The following RB1 variants were observed in gnomAD, a reference collection of about 807,000 sequenced individuals.
RB1 encodes the protein RB transcriptional corepressor 1, also known as retinoblastoma-associated protein.
Under a neutral mutation model 135.4 loss-of-function variants are expected in RB1, and 18 were observed. That is an observed-to-expected ratio of 0.13 (90% CI 0.09 to 0.20). The LOEUF is 0.20. Among genes scored for constraint, RB1 ranks in the 10% least tolerant of loss-of-function variants. The pLI, the probability that RB1 is intolerant of heterozygous loss-of-function variation, is 1.00. For missense variants in RB1, 868 were observed against 1,110.0 expected (o/e 0.78, Z 3.10); for synonymous variants, 365 against 373.2 (o/e 0.98, Z 0.25).
chr13:48,476,395 A>AT, intron 24 of RB1: 1 of 356,966 alleles, frequency 2.8e-6, no homozygotes, highest in Non-Finnish European at 5.3e-6. Flanking sequence ...GTAGTCCTGT[A>AT]TGGTGGGTTC....
At chr13:48,307,555 A>G (rs984269526) in intron 2 of RB1, 149 bp downstream of exon 2, 45 of 882,676 alleles carry the variant, frequency 5.1e-5, no homozygotes, top group Non-Finnish European at 7.0e-5. Flanking sequence ...TACCTCTGCT[A>G]ACATTAAAAA....
chr13:48,343,954 G>A (rs1221258224), intron 3 of RB1, among the ~76,000 whole-genome samples: 1 of 152,108 alleles, frequency 6.6e-6, no homozygotes, highest in Non-Finnish European at 1.5e-5. Flanking sequence ...TTTCCCCAGT[G>A]TTTGATTGGT....
At chr13:48,340,260 A>G (rs1299425618) in intron 2 of RB1, among the ~76,000 whole-genome samples, 1 of 152,190 alleles carries the variant, frequency 6.6e-6, no homozygotes, top group African/African-American at 2.4e-5. Flanking sequence ...AACATAACCC[A>G]TAAAAGAAAA....
chr13:48,413,311 A>G (rs886797975), intron 17 of RB1, among the ~76,000 whole-genome samples: 1 of 152,106 alleles, frequency 6.6e-6, no homozygotes, highest in African/African-American at 2.4e-5. Context: ...AACTCTTTTT[A>G]TGTGGAAATG....
At chr13:48,423,849 C>T (rs1453207854) in intron 17 of RB1, 1 of 152,204 alleles carries the variant, frequency 6.6e-6, no homozygotes, top group Non-Finnish European at 1.5e-5. Context: ...GAGTTTGGGG[C>T]TTCATTGCTC....
intron 2 of RB1, among the ~76,000 whole-genome samples, chr13:48,339,279 T>C (rs908632147): frequency 6.6e-6 from 1 of 152,206 alleles, no homozygotes; most frequent in African/African-American, 2.4e-5. Context: ...AGGTGGAATC[T>C]ACAGAGGCAG....
chr13:48,420,761 A>G (rs1463549164), intron 17 of RB1, among the ~76,000 whole-genome samples: 1 of 152,218 alleles, frequency 6.6e-6, no homozygotes, highest in Non-Finnish European at 1.5e-5. Flanking sequence ...ACAGAGAGCC[A>G]AATCATGAGT....
rs561021521 is a variant in RB1, at chr13:48,353,750, G to A, written c.607+4727G>A. Among the ~76,000 whole-genome samples the A allele has an allele frequency of 5.2e-4, 79 of 152,080 alleles. 2 individuals carry two copies. In the East Asian group the frequency reaches 5.6e-3, roughly 11 times the overall value. On this transcript the variant is annotated intron_variant, in intron 6 of 26. Transcript: ENST00000267163. ...CATTAGATAGATCATTCATTATGTCGCAGTGGGATTTATCCCTGCAATGCA... is the reference window on the plus strand; with the variant it reads ...CATTAGATAGATCATTCATTATGTCACAGTGGGATTTATCCCTGCAATGCA...
intron 8 of RB1, 31 bp downstream of exon 8, chr13:48,362,988 G>A: frequency 6.2e-7 from 1 of 1,601,722 alleles, no homozygotes; most frequent in Non-Finnish European, 8.6e-7. Flanking sequence ...CTTTAAAACA[G>A]TTAAAGTAGA....
intron 1 of RB1, among the ~76,000 whole-genome samples, chr13:48,304,451 CTT>C (rs1364989726): frequency 6.6e-6 from 1 of 152,000 alleles, no homozygotes; most frequent in Non-Finnish European, 1.5e-5. Context: ...GGTCGTCTGA[CTT>C]TCTGTTTTGG....
chr13:48,322,573 G>C (rs75516865), intron 2 of RB1, among the ~76,000 whole-genome samples: 1,609 of 152,254 alleles, frequency 0.011, 28 homozygotes, highest in African/African-American at 0.037. Context: ...ATGTTGAATA[G>C]AATGATGAGA....
chr13:48,304,101 G>GCC (rs1159818736), intron 1 of RB1, 52 bp downstream of exon 1: 1 of 1,343,670 alleles, frequency 7.4e-7, no homozygotes, highest in Non-Finnish European at 9.5e-7. Flanking sequence ...CCCCGGGTGT[G>GCC]CGTAGGGCGG....
intron 18 of RB1, among the ~76,000 whole-genome samples, chr13:48,454,193 A>G (rs894880303): frequency 2.0e-5 from 3 of 152,260 alleles, no homozygotes; most frequent in Non-Finnish European, 4.4e-5. Flanking sequence ...ATTCAAACCC[A>G]AGCTATCTAA....
intron 4 of RB1, 150 bp downstream of exon 4, chr13:48,345,349 CT>C: frequency 1.1e-6 from 1 of 934,676 alleles, no homozygotes; most frequent in South Asian, 1.7e-5. Flanking sequence ...TAATTCTTAG[CT>C]TTCTTATTTA....
intron 2 of RB1, among the ~76,000 whole-genome samples, chr13:48,315,147 A>G (rs1269606489): frequency 6.6e-6 from 1 of 152,038 alleles, no homozygotes; most frequent in Non-Finnish European, 1.5e-5. Context: ...CATTTTAATG[A>G]TATTGATTCT....
intron 23 of RB1, among the ~76,000 whole-genome samples, chr13:48,472,448 C>G (rs1949476920): frequency 6.6e-6 from 1 of 151,890 alleles, no homozygotes; most frequent in African/African-American, 2.4e-5. Context: ...GCTAAGATGC[C>G]ACGTCATGTC....
chr13:48,463,249 A>G (rs974847286), intron 20 of RB1, among the ~76,000 whole-genome samples: 1 of 152,238 alleles, frequency 6.6e-6, no homozygotes, highest in Admixed American at 6.5e-5. Flanking sequence ...GAGCTTAGTT[A>G]TATAACCAGC....
intron 21 of RB1, 124 bp from the exon 22 acceptor site, chr13:48,464,874 T>G (rs1949427322): frequency 1.8e-6 from 2 of 1,097,322 alleles, no homozygotes. Flanking sequence ...TATGTGCTTC[T>G]TACCAGTCAA....
At chr13:48,393,802 T>G (rs1948628507) in intron 17 of RB1, among the ~76,000 whole-genome samples, 2 of 152,178 alleles carry the variant, frequency 1.3e-5, no homozygotes, top group Non-Finnish European at 1.5e-5. Context: ...ACATAAACAT[T>G]GAGTCTCCTT....
Sources: gnomAD v4.1 joint callset for allele counts (sites outside exome capture counted in the v4.1 genomes callset) on GRCh38, gnomAD v4.1.1 for gene constraint, MANE v1.5 for transcripts, NCBI Gene and HGNC (gene_info 2026-07-23, HGNC 2026-07-21) for gene names.